The following NRCAM variants were observed in gnomAD, a reference collection of about 807,000 sequenced individuals.
The protein encoded by NRCAM is neuronal cell adhesion molecule.
A neutral mutation model predicts 156.5 loss-of-function variants in NRCAM; 83 were observed. The ratio of observed to expected loss-of-function variants is 0.53; its 90% CI spans 0.44 to 0.64. NRCAM has a LOEUF of 0.64. Ranked by LOEUF, NRCAM falls within the 30% of genes least tolerant of loss-of-function variation. The pLI, the probability that NRCAM is intolerant of heterozygous loss-of-function variation, is 0.00. For missense variants in NRCAM, 1,417 were observed against 1,597.3 expected, an observed-to-expected ratio of 0.89 and a Z score of 1.92; for synonymous variants, 538 against 563.9, an observed-to-expected ratio of 0.95 and a Z score of 0.65.
chr7:108,271,218 T>C (rs748777168), intron 3 of NRCAM, among the ~76,000 whole-genome samples: 1 of 152,314 alleles, frequency 6.6e-6, no homozygotes, highest in Non-Finnish European at 1.5e-5. Context: ...GGTTTCCAAA[T>C]GTAACATAAA....
At chr7:108,292,836 T>C (rs766423382) in intron 3 of NRCAM, among the ~76,000 whole-genome samples, 15 of 152,188 alleles carry the variant, frequency 9.9e-5, no homozygotes, top group Non-Finnish European at 2.1e-4. Context: ...TTATTTTAAC[T>C]GGCGTAAAAC....
chr7:108,175,287 C>A, intron 28 of NRCAM, 35 bp downstream of exon 28: 1 of 1,536,436 alleles, frequency 6.5e-7, no homozygotes, highest in Non-Finnish European at 8.8e-7. Flanking sequence ...GCAAATTTCA[C>A]ACATGTATAA....
At chr7:108,299,528 A>G (rs1384971514) in intron 3 of NRCAM, among the ~76,000 whole-genome samples, 1 of 152,134 alleles carries the variant, frequency 6.6e-6, no homozygotes, top group Admixed American at 6.5e-5. Context: ...TAACCATATT[A>G]TATTGTTTGG....
At chr7:108,330,746 GCT>G (rs1362566552) in intron 2 of NRCAM, among the ~76,000 whole-genome samples, 2 of 152,136 alleles carry the variant, frequency 1.3e-5, no homozygotes, top group African/African-American at 4.8e-5. Context: ...CACAAAAGCA[GCT>G]CTGTCTTCCA....
At chr7:108,266,862 A>T (rs1015392114) in intron 3 of NRCAM, among the ~76,000 whole-genome samples, 9 of 152,092 alleles carry the variant, frequency 5.9e-5, no homozygotes, top group Non-Finnish European at 8.8e-5. Context: ...TGTCTTTTAA[A>T]GGACATTCCT....
At chr7:108,259,420 T>G (rs2096804480) in intron 3 of NRCAM, among the ~76,000 whole-genome samples, 1 of 152,234 alleles carries the variant, frequency 6.6e-6, no homozygotes, top group Non-Finnish European at 1.5e-5. Flanking sequence ...TCAACCATTG[T>G]GCAAGACAGT....
At chr7:108,180,114 TCA>T in intron 25 of NRCAM, 107 bp downstream of exon 25, 2 of 868,058 alleles carry the variant, frequency 2.3e-6, no homozygotes, top group Non-Finnish European at 3.6e-6. Flanking sequence ...GAAATTTCAA[TCA>T]CATTTGGCTT....
intron 2 of NRCAM, among the ~76,000 whole-genome samples, chr7:108,385,683 G>C (rs1380492353): frequency 1.3e-5 from 2 of 152,160 alleles, no homozygotes; most frequent in Non-Finnish European, 2.9e-5. Flanking sequence ...TGGAATACCA[G>C]GGTAAGGACT....
intron 19 of NRCAM, 26 bp downstream of exon 19, chr7:108,191,228 G>C: frequency 6.3e-7 from 1 of 1,585,278 alleles, no homozygotes; most frequent in South Asian, 1.2e-5. Context: ...ACAGAAAACA[G>C]AGAAAGAAGA....
intron 3 of NRCAM, among the ~76,000 whole-genome samples, chr7:108,287,073 C>T (rs1263218967): frequency 1.3e-5 from 2 of 151,980 alleles, no homozygotes; most frequent in Non-Finnish European, 2.9e-5. Flanking sequence ...TACTGGACCC[C>T]TATTTCTTAC....
At position 108,391,311 on chromosome 7, in the gene NRCAM, C is replaced by T. The variant is rs181061214; in HGVS notation, c.-174+8125G>A. Among the ~76,000 whole-genome samples the T allele has an allele frequency of 1.6e-4, 25 of 152,150 alleles. No individual in the cohort carries two copies. The East Asian group carries it at 4.5e-3, about 27-fold the overall frequency. On this transcript the variant is annotated intron_variant, in intron 2 of 32. Transcript: ENST00000379028. Reference sequence around the variant, plus strand: ...GTTAGCTCTTCTTGTTGAATTGATCCCTTTACCATTATGTAATGGCCTTCT... The same window carrying T: ...GTTAGCTCTTCTTGTTGAATTGATCTCTTTACCATTATGTAATGGCCTTCT...
chr7:108,409,777 G>A (rs2154409436), intron 1 of NRCAM, among the ~76,000 whole-genome samples: 1 of 152,274 alleles, frequency 6.6e-6, no homozygotes, highest in East Asian at 1.9e-4. Flanking sequence ...CACACCCATA[G>A]AAGCTGTGAA....
At chr7:108,340,742 C>T (rs2099267111) in intron 2 of NRCAM, among the ~76,000 whole-genome samples, 1 of 152,142 alleles carries the variant, frequency 6.6e-6, no homozygotes, top group Non-Finnish European at 1.5e-5. Context: ...GAAGAAAATC[C>T]TACCGCCTTT....
chr7:108,323,294 C>G (rs949022459), intron 2 of NRCAM, among the ~76,000 whole-genome samples: 1 of 152,162 alleles, frequency 6.6e-6, no homozygotes, highest in Admixed American at 6.5e-5. Flanking sequence ...ACTTTGGAAG[C>G]AAAGCAACCA....
At chr7:108,171,591 TTATTTTC>T (rs1381269706) in intron 28 of NRCAM, among the ~76,000 whole-genome samples, 1 of 152,158 alleles carries the variant, frequency 6.6e-6, no homozygotes, top group Non-Finnish European at 1.5e-5. Context: ...CAGTTCAATA[TTATTTTC>T]TTTGTGAAGC....
chr7:108,429,136 C>A (rs888457555), intron 1 of NRCAM, among the ~76,000 whole-genome samples: 7 of 152,086 alleles, frequency 4.6e-5, no homozygotes, highest in African/African-American at 1.4e-4. Context: ...CAAAACAATA[C>A]CAACAGTCAA....
At chr7:108,233,189 CTT>C (rs2094523183) in intron 6 of NRCAM, among the ~76,000 whole-genome samples, 1 of 152,230 alleles carries the variant, frequency 6.6e-6, no homozygotes, top group Non-Finnish European at 1.5e-5. Context: ...AAAAGATTGA[CTT>C]ATATAAAAGT....
Position 108,287,174 on chromosome 7 carries a change from G to A in NRCAM, c.-107+25491C>T, listed in dbSNP as rs58145945. Among the ~76,000 whole-genome samples the A allele has an allele frequency of 1.2e-3, 185 of 151,866 alleles. 2 individuals are homozygous for A. Among genetic ancestry groups the A allele is most frequent in the African/African-American group, 4.1e-3 (172 of 41,468 alleles). ...CTAGAAGAAGATATAAAAATGAACA[G>A]CTATAAAAATATATAACAATATATA... On this transcript the variant is annotated intron_variant, in intron 3 of 32. Transcript: ENST00000379028.
chr7:108,421,371 T>C (rs1437623672), intron 1 of NRCAM, among the ~76,000 whole-genome samples: 1 of 152,182 alleles, frequency 6.6e-6, no homozygotes, highest in South Asian at 2.1e-4. Context: ...TTATCAATGT[T>C]TACATGTCTC....
Sources: gnomAD v4.1 joint callset for allele counts (sites outside exome capture counted in the v4.1 genomes callset) on GRCh38, gnomAD v4.1.1 for gene constraint, MANE v1.5 for transcripts, NCBI Gene and HGNC (gene_info 2026-07-23, HGNC 2026-07-21) for gene names.